Variants in ARID1B observed in about 807,000 individuals in gnomAD.
ARID1B encodes AT-rich interaction domain 1B.
In ARID1B, 30 loss-of-function variants were observed where a neutral mutation model predicts 212.3. That is an observed-to-expected ratio of 0.14 (90% CI 0.11 to 0.19). The LOEUF (loss-of-function observed/expected upper bound fraction) is 0.19, where lower values mean the gene tolerates loss of function less well. ARID1B is among the 10% of genes least tolerant of loss of function. ARID1B has a pLI of 1.00. For synonymous variants in ARID1B, 1,402 were observed against 1,301.7 expected, an observed-to-expected ratio of 1.08 and a Z score of -1.66; for missense variants, 2,891 against 3,204.0, an observed-to-expected ratio of 0.90 and a Z score of 2.36.
At chr6:157,181,733 C>T (rs145265660) in intron 12 of ARID1B, among the ~76,000 whole-genome samples, 1 of 152,280 alleles carries the variant, frequency 6.6e-6, no homozygotes, top group East Asian at 1.9e-4. Context: ...GAGCTATCCA[C>T]TGTGTGCTTG....
chr6:156,946,540 T>C (rs1005669333), intron 4 of ARID1B, among the ~76,000 whole-genome samples: 2 of 152,202 alleles, frequency 1.3e-5, no homozygotes, highest in Non-Finnish European at 1.5e-5. Context: ...TTCAGGTTAC[T>C]AAGCGCATTG....
chr6:156,902,946 A>T (rs976599247), intron 3 of ARID1B, among the ~76,000 whole-genome samples: 2 of 152,098 alleles, frequency 1.3e-5, no homozygotes, highest in African/African-American at 4.8e-5. Context: ...TCAGAGCCTT[A>T]TTGAACTTAT....
intron 1 of ARID1B, among the ~76,000 whole-genome samples, chr6:156,819,193 C>G (rs996251852): frequency 6.6e-5 from 10 of 152,130 alleles, no homozygotes; most frequent in African/African-American, 2.4e-4. Flanking sequence ...TATTATTTCT[C>G]CTTCTTAAAT....
chr6:156,901,230 A>C, intron 2 of ARID1B, 146 bp from the exon 3 acceptor site: 1 of 939,230 alleles, frequency 1.1e-6, no homozygotes, highest in Non-Finnish European at 1.6e-6. Context: ...CAGCGTGTCG[A>C]TTTGTTTAAG....
intron 4 of ARID1B, among the ~76,000 whole-genome samples, chr6:157,035,886 T>C (rs1781295641): frequency 6.6e-6 from 1 of 152,222 alleles, no homozygotes; most frequent in Non-Finnish European, 1.5e-5. Flanking sequence ...ATGGCCTTCC[T>C]TTCTATATTT....
At chr6:156,998,482 CA>C in intron 4 of ARID1B, among the ~76,000 whole-genome samples, 2 of 152,310 alleles carry the variant, frequency 1.3e-5, no homozygotes, top group East Asian at 3.9e-4. Context: ...CTCGGCCTCC[CA>C]AAGTGCTGGG....
chr6:157,029,230 A>G (rs1205513689), intron 4 of ARID1B, among the ~76,000 whole-genome samples: 1 of 152,250 alleles, frequency 6.6e-6, no homozygotes, highest in Non-Finnish European at 1.5e-5. Context: ...TGTGTAATGC[A>G]TGCAAGCATG....
At chr6:156,859,918 GTT>G (rs369522670) in intron 2 of ARID1B, among the ~76,000 whole-genome samples, 2 of 152,140 alleles carry the variant, frequency 1.3e-5, no homozygotes, top group African/African-American at 4.8e-5. Flanking sequence ...AGCAGGAGTT[GTT>G]TCAACCATTT....
intron 4 of ARID1B, among the ~76,000 whole-genome samples, chr6:157,046,910 T>G (rs1782277940): frequency 6.6e-6 from 1 of 152,140 alleles, no homozygotes; most frequent in African/African-American, 2.4e-5. Flanking sequence ...GGAGGGAAAG[T>G]GACTTATTTT....
intron 4 of ARID1B, among the ~76,000 whole-genome samples, chr6:157,057,110 T>C (rs1008607139): frequency 6.6e-6 from 1 of 151,774 alleles, no homozygotes; most frequent in African/African-American, 2.4e-5. Context: ...CATTCTCCTG[T>C]CTCAGCCTCC....
intron 2 of ARID1B, among the ~76,000 whole-genome samples, chr6:156,883,561 A>T (rs1787267718): frequency 6.6e-6 from 1 of 151,892 alleles, no homozygotes; most frequent in African/African-American, 2.4e-5. Context: ...CATGTCTTCC[A>T]TGCTTTCCTC....
At chr6:157,139,042 C>G (rs1449150753) in intron 7 of ARID1B, among the ~76,000 whole-genome samples, 3 of 151,986 alleles carry the variant, frequency 2.0e-5, no homozygotes, top group Non-Finnish European at 4.4e-5. Context: ...AAGATCATCA[C>G]ATCATGATCT....
At chr6:157,046,545 C>G (rs1782256095) in intron 4 of ARID1B, among the ~76,000 whole-genome samples, 1 of 152,126 alleles carries the variant, frequency 6.6e-6, no homozygotes, top group Non-Finnish European at 1.5e-5. Context: ...TCTTCAGGTC[C>G]TTAATGCTAA....
At chr6:156,997,860 CAA>C (rs1231962646) in intron 4 of ARID1B, among the ~76,000 whole-genome samples, 4 of 152,036 alleles carry the variant, frequency 2.6e-5, no homozygotes, top group African/African-American at 7.2e-5. Flanking sequence ...TGCAATTACA[CAA>C]AATAAACTAT....
Position 156,778,443 on chromosome 6 carries a change from G to A in ARID1B, c.763G>A (p.Asp255Asn), listed in dbSNP as rs2114974581. Residue 255 changes from aspartate (D) to asparagine (N), a missense_variant, in exon 1 of 20, where the codon GAC becomes AAC. By Grantham distance (23) the Asp-to-Asn change is conservative. Transcript: ENST00000636930. ...AKDSAAGGQA[D>N]PPGPPLLSKP... ...GGACAGTGCTGCGGGCGGCCAGGCCGACCCCCCGGGCCCGCCGCTGCTGAG... is the reference window on the plus strand; with the variant it reads ...GGACAGTGCTGCGGGCGGCCAGGCCAACCCCCCGGGCCCGCCGCTGCTGAG... The A allele has an allele frequency of 7.0e-7, 1 of 1,437,954 alleles. No individual in the cohort carries two copies. The highest frequency in any genetic ancestry group is 9.1e-7 in the Non-Finnish European group (1 of 1,101,834). 89.1% of individuals were successfully genotyped at this position (1,437,954 alleles called of 1,614,324 possible).
intron 4 of ARID1B, among the ~76,000 whole-genome samples, chr6:156,986,318 C>T (rs1275644640): frequency 2.0e-5 from 3 of 152,282 alleles, no homozygotes; most frequent in Non-Finnish European, 4.4e-5. Context: ...CTTGAACAGG[C>T]TTGTAGCTAA....
chr6:157,111,337 G>A, intron 6 of ARID1B: 1 of 152,390 alleles, frequency 6.6e-6, no homozygotes, highest in Non-Finnish European at 1.5e-5. Flanking sequence ...TGGTGGTGGT[G>A]GTGGTTTTAA....
chr6:156,957,471 C>A (rs1794053038), intron 4 of ARID1B, among the ~76,000 whole-genome samples: 1 of 152,014 alleles, frequency 6.6e-6, no homozygotes, highest in Admixed American at 6.6e-5. Context: ...TTCCAGCATC[C>A]TGGCTGCCAG....
At chr6:156,921,476 CACACACACACACACACAA>C (rs1562485907) in intron 3 of ARID1B, among the ~76,000 whole-genome samples, 1 of 146,250 alleles carries the variant, frequency 6.8e-6, no homozygotes, top group African/African-American at 2.7e-5. Flanking sequence ...CACACACACA[CACACACACACACACACAA>C]AATGTAAGGG....
Sources: gnomAD v4.1 joint callset for allele counts (sites outside exome capture counted in the v4.1 genomes callset) on GRCh38, gnomAD v4.1.1 for gene constraint, MANE v1.5 for transcripts, NCBI Gene and HGNC (gene_info 2026-07-23, HGNC 2026-07-21) for gene names.